ITGAX: variants seen among roughly 807,000 people sequenced by gnomAD.
The protein encoded by ITGAX is integrin alpha-X.
Under a neutral mutation model 140.2 loss-of-function variants are expected in ITGAX, and 99 were observed. The ratio of observed to expected loss-of-function variants is 0.71; its 90% CI spans 0.60 to 0.83. ITGAX has a LOEUF of 0.83. Ranked by LOEUF, ITGAX falls within the 40% of genes least tolerant of loss-of-function variation. ITGAX has a pLI of 0.00. For missense variants in ITGAX, 1,444 were observed against 1,482.0 expected, an observed-to-expected ratio of 0.97 and a Z score of 0.42; for synonymous variants, 631 against 600.4, an observed-to-expected ratio of 1.05 and a Z score of -0.75.
At chr16:31,375,967 G>C (rs2081015771) in intron 20 of ITGAX, among the ~76,000 whole-genome samples, 1 of 152,186 alleles carries the variant, frequency 6.6e-6, no homozygotes, top group African/African-American at 2.4e-5. Context: ...GTATATTAAG[G>C]AGTAATTGTT....
intron 10 of ITGAX, 75 bp downstream of exon 10, chr16:31,361,984 TG>T: frequency 6.2e-7 from 1 of 1,608,422 alleles, no homozygotes; most frequent in Admixed American, 1.7e-5. Context: ...GGGTGTCAGG[TG>T]GGTAAGAGGC....
chr16:31,375,791 G>T (rs2081014680), intron 20 of ITGAX, among the ~76,000 whole-genome samples: 1 of 152,242 alleles, frequency 6.6e-6, no homozygotes, highest in Admixed American at 6.5e-5. Context: ...CAGCAGGAAA[G>T]GCCATCTCTT....
At position 31,371,670 on chromosome 16, in the gene ITGAX, C is replaced by T; in HGVS notation, c.2046C>T (p.Asp682=). ...CTGTGACCTTGGACCTGGCCCTCGA[C>T]CCTGGCCGCCTGAGTCCCCGTGCCA... The part of the protein sequence containing the change: ...QSSVTLDLAL[D]PGRLSPRATF... The change falls in exon 17 of 30, where the codon GAC becomes GAT. Residue 682 remains aspartate (D), a synonymous_variant. Coordinates refer to ENST00000268296, the MANE Select transcript of ITGAX (RefSeq NM_000887.5). 2.5e-6 allele frequency: 4 copies of T among 1,614,168 alleles called. No individual in the cohort carries two copies. Among genetic ancestry groups the T allele is most frequent in the East Asian group, 4.5e-5 (2 of 44,868 alleles).
At position 31,355,181 on chromosome 16, in the gene ITGAX, C is replaced by T; in HGVS notation, c.-74C>T. 1.9e-6 allele frequency: 3 copies of T among 1,544,438 alleles called. No individual in the cohort carries two copies. Among genetic ancestry groups the T allele is most frequent in the Non-Finnish European group, 2.7e-6 (3 of 1,121,132 alleles). On this transcript the variant is annotated 5_prime_UTR_variant, in exon 1 of 30. Coordinates refer to ENST00000268296, the MANE Select transcript of ITGAX (RefSeq NM_000887.5). ...CCCTGGCCACCTCTCTGCCCACTTG[C>T]TTCCTCAGTACCTTGGTCCAGCTCT... is the stretch of plus-strand genomic sequence containing the variant.
intron 5 of ITGAX, among the ~76,000 whole-genome samples, chr16:31,359,314 T>C (rs1056060681): frequency 5.9e-5 from 9 of 152,144 alleles, no homozygotes; most frequent in Non-Finnish European, 1.2e-4. Flanking sequence ...CACAGGCGCG[T>C]GCCACCACAC....
At position 31,361,120 on chromosome 16, in the gene ITGAX, A is replaced by G. The variant is rs779855911; in HGVS notation, c.919A>G (p.Lys307Glu). 2.5e-6 allele frequency: 4 copies of G among 1,613,728 alleles called. No homozygotes were observed. The African/African-American group carries it at 5.3e-5, about 22-fold the overall frequency. ...SWKELNDIAS[K>E]PSQEHIFKVE... ...GAAAGAATTAAATGACATTGCATCG[A>G]AGCCCTCCCAGGAACACATATTTAA... The change falls in exon 9 of 30, where the codon AAG becomes GAG. Residue 307 changes from lysine to glutamate, a missense_variant. Transcript: ENST00000268296.
At chr16:31,359,266 T>C (rs891101323) in intron 5 of ITGAX, among the ~76,000 whole-genome samples, 4 of 152,128 alleles carry the variant, frequency 2.6e-5, no homozygotes, top group African/African-American at 4.8e-5. Flanking sequence ...CCTCCCAGGT[T>C]CAAGCAATTC....
At chr16:31,357,506 C>T (rs371278987) in intron 5 of ITGAX, 142 bp downstream of exon 5, 14 of 609,626 alleles carry the variant, frequency 2.3e-5, no homozygotes, top group African/African-American at 1.1e-4. Flanking sequence ...TGGTTCCTGA[C>T]GCTGCTGCCC....
intron 20 of ITGAX, among the ~76,000 whole-genome samples, chr16:31,376,372 G>GT (rs2081019127): frequency 6.6e-6 from 1 of 152,172 alleles, no homozygotes; most frequent in South Asian, 2.1e-4. Flanking sequence ...TGTAATCCTA[G>GT]TGTTTTGGGG....
chr16:31,361,087 A>G lies in ITGAX; in HGVS notation c.886A>G (p.Asn296Asp). ...IGVGLAFQNRNSWKELNDIAS... is the reference protein window; with the variant it reads ...IGVGLAFQNRDSWKELNDIAS... ...GGTTGGATTAGCTTTTCAAAACAGA[A>G]ATTCTTGGAAAGAATTAAATGACAT... Residue 296 changes from asparagine to aspartate, a missense_variant, in exon 9 of 30, where the codon AAT (asparagine) becomes GAT (aspartate). Asn to Asp is a conservative substitution (Grantham distance 23). Transcript: ENST00000268296. 1 of 1,612,490 alleles carries G rather than the reference A, an allele frequency of 6.2e-7. No homozygotes were observed. The highest frequency in any genetic ancestry group is 8.5e-7 in the Non-Finnish European group (1 of 1,179,680).
At chr16:31,368,600 T>C (rs1020521378) in intron 14 of ITGAX, among the ~76,000 whole-genome samples, 7 of 151,546 alleles carry the variant, frequency 4.6e-5, no homozygotes, top group African/African-American at 7.3e-5. Context: ...TTATTTTTTA[T>C]TTATTTTTTT....
Position 31,371,329 on chromosome 16 carries a change from C to A in ITGAX, c.1842-5C>A. On this transcript the variant is annotated splice_region_variant and splice_polypyrimidine_tract_variant and intron_variant, in intron 15 of 29. Transcript: ENST00000268296. ...CCTGTCCTCAGCTCGGTGCTCTGCCCGCAGGACCAGACCTGTGCTCTGGGT... is the reference window on the plus strand; with the variant it reads ...CCTGTCCTCAGCTCGGTGCTCTGCCAGCAGGACCAGACCTGTGCTCTGGGT... 3 of 1,613,832 alleles carry A rather than the reference C, an allele frequency of 1.9e-6. No homozygotes were observed. The highest frequency in any genetic ancestry group is 2.5e-6 in the Non-Finnish European group (3 of 1,179,840).
chr16:31,360,540 C>T, intron 8 of ITGAX, 77 bp downstream of exon 8: 1 of 1,345,642 alleles, frequency 7.4e-7, no homozygotes, highest in South Asian at 1.4e-5. Context: ...ATGTTCTTTT[C>T]TCTTTGAGAC....
intron 2 of ITGAX, 103 bp downstream of exon 2, chr16:31,356,101 T>C (rs2080757457): frequency 1.3e-6 from 1 of 795,762 alleles, no homozygotes; most frequent in African/African-American, 1.7e-5. Context: ...CTCCTCTCTG[T>C]CTGGTGTAGC....
chr16:31,363,634 A>G (rs1375930732), intron 14 of ITGAX, among the ~76,000 whole-genome samples: 1 of 152,214 alleles, frequency 6.6e-6, no homozygotes, highest in African/African-American at 2.4e-5. Flanking sequence ...TAGTAGAGAC[A>G]GGCTTTCGCC....
chr16:31,380,298 C>T lies in ITGAX; in HGVS notation c.3093C>T (p.Arg1031=), dbSNP rs757202779. The part of the protein sequence containing the change: ...DCSIAGCLRF[R]CDVPSFSVQE... The stretch of plus-strand genomic sequence containing the variant: ...CCATTGCTGGCTGCCTGCGGTTCCG[C>T]TGTGACGTCCCCTCCTTCAGCGTCC... The change falls in exon 27 of 30, where the codon CGC becomes CGT. Residue 1031 remains arginine (R), a synonymous_variant. Coordinates refer to ENST00000268296, the MANE Select transcript of ITGAX (RefSeq NM_000887.5). 9 of 1,614,262 alleles carry T rather than the reference C, an allele frequency of 5.6e-6. No individual in the cohort carries two copies. In the South Asian group the frequency reaches 9.9e-5, roughly 18 times the overall value.
chr16:31,380,146 T>A, intron 26 of ITGAX, 81 bp downstream of exon 26: 1 of 1,545,046 alleles, frequency 6.5e-7, no homozygotes, highest in East Asian at 2.3e-5. Flanking sequence ...TCCATATCCA[T>A]CCTGCTGAAG....
In ITGAX at chr16:31,373,348, C is replaced by G; in HGVS notation, c.2466C>G (p.Ser822=). The G allele has an allele frequency of 6.2e-7, 1 of 1,613,584 alleles. No homozygotes were observed. Among genetic ancestry groups the G allele is most frequent in the Non-Finnish European group, 8.5e-7 (1 of 1,179,982 alleles). Residue 822 remains serine, a synonymous_variant, in exon 20 of 30, where the codon TCC becomes TCG. Transcript: ENST00000268296. The part of the protein sequence containing the change: ...EDSYGTTITF[S]HPAGLSYRYV... ...CCTACGGAACCACCATCACCTTCTC[C>G]CACCCCGCAGGACTGTCCTACCGCT...
At chr16:31,366,901 T>C (rs2080898231) in intron 14 of ITGAX, among the ~76,000 whole-genome samples, 1 of 152,202 alleles carries the variant, frequency 6.6e-6, no homozygotes, top group Admixed American at 6.5e-5. Context: ...GCTGAAGGCC[T>C]TTTGCACCAA....
Sources: gnomAD v4.1 joint callset for allele counts (sites outside exome capture counted in the v4.1 genomes callset) on GRCh38, gnomAD v4.1.1 for gene constraint, MANE v1.5 for transcripts, NCBI Gene and HGNC (gene_info 2026-07-23, HGNC 2026-07-21) for gene names.